Variants in PIN4 observed in about 807,000 individuals in gnomAD.
PIN4 encodes the protein peptidyl-prolyl cis-trans isomerase NIMA-interacting 4.
A neutral mutation model predicts 8.3 loss-of-function variants in PIN4; 3 were observed. That is an observed-to-expected ratio of 0.36 (90% CI 0.16 to 0.93). The LOEUF (loss-of-function observed/expected upper bound fraction) is 0.93. Among genes scored for constraint, PIN4 ranks in the 40% least tolerant of loss-of-function variants. The pLI is 0.44. For missense variants in PIN4, 75 were observed against 100.6 expected (o/e 0.75, Z 1.09); for synonymous variants, 18 against 32.5 (o/e 0.55, Z 1.52).
intron 3 of PIN4, among the ~76,000 whole-genome samples, chrX:72,226,210 C>T (rs1017825070): frequency 2.7e-5 from 3 of 111,561 alleles, no homozygotes; most frequent in African/African-American, 9.8e-5. Flanking sequence ...ATTGAAAGTT[C>T]TCTCACCATG....
chrX:72,233,449 C>CATGGT (rs1287902678), intron 3 of PIN4, among the ~76,000 whole-genome samples: 2 of 111,645 alleles, frequency 1.8e-5, no homozygotes, highest in South Asian at 3.7e-4. Context: ...TGAGGCTGGG[C>CATGGT]ATGGTAGCTC....
At chrX:72,213,116 G>A (rs747202817) in intron 3 of PIN4, among the ~76,000 whole-genome samples, 4 of 112,024 alleles carry the variant, frequency 3.6e-5, no homozygotes, top group Non-Finnish European at 3.8e-5. Flanking sequence ...TAATCTCGGC[G>A]CATGTGAGTG....
intron 2 of PIN4, among the ~76,000 whole-genome samples, chrX:72,194,701 CAAAAAAAAAAA>C (rs56123643): frequency 4.0e-5 from 2 of 50,142 alleles, no homozygotes; most frequent in Non-Finnish European, 8.9e-5. Flanking sequence ...AACTCCATCT[CAAAAAAAAAAA>C]AAAAAAAAAA....
At chrX:72,215,894 T>C (rs1207090209) in intron 3 of PIN4, among the ~76,000 whole-genome samples, 1 of 110,790 alleles carries the variant, frequency 9.0e-6, no homozygotes, top group African/African-American at 3.3e-5. Flanking sequence ...CACTAACCAT[T>C]CAAGATGCTC....
chrX:72,239,578 C>T (rs1190866974), intron 3 of PIN4, among the ~76,000 whole-genome samples: 4 of 110,821 alleles, frequency 3.6e-5, no homozygotes, highest in African/African-American at 1.3e-4. Flanking sequence ...CGAGACCAAC[C>T]TGGCTAAAAT....
At chrX:72,188,617 C>T (rs1702816429) in intron 2 of PIN4, among the ~76,000 whole-genome samples, 1 of 112,361 alleles carries the variant, frequency 8.9e-6, no homozygotes, top group African/African-American at 3.2e-5. Flanking sequence ...CCTCGGCCTC[C>T]CAAAGTGCTG....
intron 3 of PIN4, among the ~76,000 whole-genome samples, chrX:72,256,829 C>T (rs950413023): frequency 2.7e-5 from 3 of 111,815 alleles, no homozygotes; most frequent in African/African-American, 9.8e-5. Context: ...AAGAATGTTC[C>T]AGGCAAAAGA....
At chrX:72,235,389 C>CTTTTTT (rs144267277) in intron 3 of PIN4, among the ~76,000 whole-genome samples, 7 of 68,566 alleles carry the variant, frequency 1.0e-4, no homozygotes, top group African/African-American at 4.7e-4. Flanking sequence ...CCCTCTTCCA[C>CTTTTTT]TTTTTTTTTT....
At chrX:72,258,329 G>A (rs920647247) in intron 3 of PIN4, among the ~76,000 whole-genome samples, 29 of 111,987 alleles carry the variant, frequency 2.6e-4, no homozygotes, top group African/African-American at 9.4e-4. Flanking sequence ...AGCATGCCGA[G>A]GAGTTACTGA....
At chrX:72,242,362 C>T (rs2043052413) in intron 3 of PIN4, among the ~76,000 whole-genome samples, 1 of 111,843 alleles carries the variant, frequency 8.9e-6, no homozygotes, top group Non-Finnish European at 1.9e-5. Flanking sequence ...TGCTCCTCCC[C>T]TCCCCTTCGG....
At chrX:72,204,893 CTTT>C in intron 3 of PIN4, 2 of 603,402 alleles carry the variant, frequency 3.3e-6, no homozygotes, top group Non-Finnish European at 4.9e-6. Context: ...GCAGAAGTTG[CTTT>C]TTGAGATCTT....
intron 3 of PIN4, among the ~76,000 whole-genome samples, chrX:72,259,382 C>G (rs1199493802): frequency 9.1e-6 from 1 of 109,330 alleles, no homozygotes; most frequent in Non-Finnish European, 1.9e-5. Context: ...CCATGCCCGG[C>G]TAATTTTTTA....
At chrX:72,249,296 A>G (rs1301221147) in intron 3 of PIN4, among the ~76,000 whole-genome samples, 1 of 112,426 alleles carries the variant, frequency 8.9e-6, no homozygotes, top group African/African-American at 3.2e-5. Context: ...TATAATTTAA[A>G]AGACAGACAA....
exon 4 of PIN4, chrX:72,263,281 CA>C (rs1359575938): frequency 2.7e-5 from 3 of 112,422 alleles, no homozygotes; most frequent in African/African-American, 9.8e-5. Context: ...GATGACAGTC[CA>C]CCAGAAAAAA....
At chrX:72,188,781 C>T (rs771608131) in intron 2 of PIN4, among the ~76,000 whole-genome samples, 1 of 111,951 alleles carries the variant, frequency 8.9e-6, no homozygotes, top group Admixed American at 9.5e-5. Flanking sequence ...GCCTCAGCCT[C>T]CAACAGTGTT....
intron 3 of PIN4, chrX:72,204,981 T>G: frequency 9.1e-7 from 1 of 1,104,331 alleles, no homozygotes; most frequent in Non-Finnish European, 1.2e-6. Context: ...CATATTCAGT[T>G]TCACTTTAAA....
intron 2 of PIN4, among the ~76,000 whole-genome samples, chrX:72,191,574 T>C (rs1305456260): frequency 1.8e-5 from 2 of 111,399 alleles, no homozygotes; most frequent in Non-Finnish European, 3.8e-5. Flanking sequence ...GAAAAACTTT[T>C]CTAGAATTTC....
chrX:72,241,187 T>C (rs1451657844), intron 3 of PIN4, among the ~76,000 whole-genome samples: 1 of 111,664 alleles, frequency 9.0e-6, no homozygotes, highest in African/African-American at 3.3e-5. Flanking sequence ...GGCTGTGCTA[T>C]GGTCTGAATG....
chrX:72,261,314 A>AC (rs2043139276), intron 3 of PIN4, among the ~76,000 whole-genome samples: 2 of 108,760 alleles, frequency 1.8e-5, no homozygotes, highest in South Asian at 4.0e-4. Flanking sequence ...AAAAAAAAAA[A>AC]ACCAAAATCT....
Sources: allele counts gnomAD v4.1 joint callset (sites outside exome capture counted in the v4.1 genomes callset), GRCh38; gene constraint gnomAD v4.1.1; transcripts MANE v1.5; gene names NCBI Gene and HGNC (gene_info 2026-07-23, HGNC 2026-07-21).